Variants in TBC1D19 observed in about 807,000 individuals in gnomAD.
The protein encoded by TBC1D19 is TBC1 domain family, member 19.
TBC1D19 carries 60 observed loss-of-function variants against 89.0 expected under a neutral mutation model. That is an observed-to-expected ratio of 0.67 (90% CI 0.55 to 0.84). The LOEUF (loss-of-function observed/expected upper bound fraction) is 0.84, where lower values mean the gene tolerates loss of function less well. Among genes scored for constraint, TBC1D19 ranks in the 40% least tolerant of loss-of-function variants. The probability of loss-of-function intolerance (pLI) is 0.00; values close to 1 mark genes in which losing one functional copy is unlikely to be tolerated. For missense variants in TBC1D19, 500 were observed against 610.8 expected (o/e 0.82, Z 1.91); for synonymous variants, 189 against 199.7 (o/e 0.95, Z 0.45).
At chr4:26,672,276 T>A in intron 10 of TBC1D19, 89 bp downstream of exon 10, 1 of 1,093,818 alleles carries the variant, frequency 9.1e-7, no homozygotes, top group South Asian at 1.5e-5. Context: ...AGGTGAAATT[T>A]AATCTCTGAA....
chr4:26,809,244 C>T, the TBC1D19 span, among the ~76,000 whole-genome samples: 1 of 152,152 alleles, frequency 6.6e-6, no homozygotes, highest in Admixed American at 6.5e-5. Flanking sequence ...TCTCTCCCTG[C>T]TCTGTGCCCT....
the TBC1D19 span, among the ~76,000 whole-genome samples, chr4:26,819,632 T>G: frequency 2.6e-5 from 4 of 152,228 alleles, no homozygotes; most frequent in African/African-American, 9.6e-5. Context: ...CTCAACATTG[T>G]GACCACAGTA....
chr4:26,824,551 G>C, the TBC1D19 span, among the ~76,000 whole-genome samples: 1 of 152,200 alleles, frequency 6.6e-6, no homozygotes, highest in African/African-American at 2.4e-5. Flanking sequence ...CAGCTTCTGA[G>C]TGTATGTCCT....
intron 9 of TBC1D19, among the ~76,000 whole-genome samples, chr4:26,670,291 A>G (rs1010420799): frequency 1.3e-5 from 2 of 151,224 alleles, no homozygotes; most frequent in African/African-American, 4.8e-5. Flanking sequence ...TAGTCATTGT[A>G]TAATCTGTTC....
At chr4:26,584,890 C>T (rs1484339395) in intron 1 of TBC1D19, 1 of 182,756 alleles carries the variant, frequency 5.5e-6, no homozygotes, top group East Asian at 1.7e-4. Flanking sequence ...TAAATGAAAT[C>T]ATACAGTTTG....
chr4:26,703,960 C>CA (rs11453747), intron 13 of TBC1D19, among the ~76,000 whole-genome samples: 13,732 of 114,218 alleles, frequency 0.12, 2,932 homozygotes, highest in African/African-American at 0.43. Flanking sequence ...GACTCCGTCT[C>CA]AAAAAAAAAA....
At chr4:26,597,744 T>G (rs1740324106) in intron 1 of TBC1D19, among the ~76,000 whole-genome samples, 1 of 152,140 alleles carries the variant, frequency 6.6e-6, no homozygotes, top group South Asian at 2.1e-4. Flanking sequence ...GTTTTATAAC[T>G]CACATCTATA....
the TBC1D19 span, among the ~76,000 whole-genome samples, chr4:26,830,129 T>G: frequency 5.3e-5 from 8 of 152,218 alleles, no homozygotes; most frequent in Non-Finnish European, 1.0e-4. Flanking sequence ...AGAGCCATAC[T>G]CAACCTCACA....
At chr4:26,780,420 GA>G in the TBC1D19 span, among the ~76,000 whole-genome samples, 11 of 152,162 alleles carry the variant, frequency 7.2e-5, no homozygotes, top group Non-Finnish European at 1.6e-4. Context: ...ACCATTTAGG[GA>G]AAGCTACTCT....
At chr4:26,664,873 G>A (rs7687087) in intron 8 of TBC1D19, among the ~76,000 whole-genome samples, 69,185 of 151,822 alleles carry the variant, frequency 0.46, 17,521 homozygotes, top group Admixed American at 0.6. Context: ...AGTGTGAGCT[G>A]AGTTACAAAC....
chr4:26,692,204 C>A (rs1714351434), intron 13 of TBC1D19, among the ~76,000 whole-genome samples: 1 of 152,110 alleles, frequency 6.6e-6, no homozygotes, highest in Admixed American at 6.6e-5. Context: ...TACAATATCT[C>A]CACAGGAGGG....
chr4:26,857,435 A>G, the TBC1D19 span, among the ~76,000 whole-genome samples: 2 of 152,240 alleles, frequency 1.3e-5, no homozygotes, highest in Non-Finnish European at 1.5e-5. Flanking sequence ...GAAGGAGAAG[A>G]TCAGTGGGAG....
chr4:26,771,516 A>G, the TBC1D19 span, among the ~76,000 whole-genome samples: 1 of 152,230 alleles, frequency 6.6e-6, no homozygotes, highest in African/African-American at 2.4e-5. Flanking sequence ...CCTGCCATCT[A>G]TGACATGAGA....
In TBC1D19 at chr4:26,673,825, A is replaced by C; in HGVS notation, c.753A>C (p.Gly251=). 2 of 1,611,506 alleles carry C rather than the reference A, an allele frequency of 1.2e-6. No homozygotes were observed. Among genetic ancestry groups the C allele is most frequent in the Non-Finnish European group, 1.7e-6 (2 of 1,178,308 alleles). ...SAAAQQYIRQ[G]SPTALRAELW... is the part of the protein sequence containing the mutation. ...CTGCTCAACAGTACATCAGACAAGG[A>C]AGTCCCACGGCACTGAGAGCTGAAT... is the stretch of plus-strand genomic sequence containing the variant. Residue 251 remains glycine (G), a synonymous_variant, in exon 11 of 21, where the codon GGA becomes GGC. Coordinates refer to ENST00000264866, the MANE Select transcript of TBC1D19 (RefSeq NM_018317.4).
At chr4:26,776,578 G>A in the TBC1D19 span, among the ~76,000 whole-genome samples, 10 of 152,108 alleles carry the variant, frequency 6.6e-5, no homozygotes, top group Non-Finnish European at 1.0e-4. Context: ...CTGTACTTGT[G>A]TCAATGTCAT....
chr4:26,577,958 A>T (rs1209620099), intron 1 of TBC1D19, among the ~76,000 whole-genome samples: 2 of 152,232 alleles, frequency 1.3e-5, no homozygotes, highest in Admixed American at 1.3e-4. Flanking sequence ...TTGAGCTAAG[A>T]ACTATTGTCT....
At chr4:26,654,891 A>C (rs1214559460) in intron 7 of TBC1D19, among the ~76,000 whole-genome samples, 1 of 152,096 alleles carries the variant, frequency 6.6e-6, no homozygotes, top group Admixed American at 6.5e-5. Context: ...TTCATTCTCC[A>C]TCCAGCTTTT....
At chr4:26,636,826 A>G (rs1743161898) in intron 4 of TBC1D19, among the ~76,000 whole-genome samples, 1 of 152,134 alleles carries the variant, frequency 6.6e-6, no homozygotes, top group Admixed American at 6.5e-5. Flanking sequence ...ACCTTTTACT[A>G]GATCATTAAT....
chr4:26,850,739 T>C, the TBC1D19 span, among the ~76,000 whole-genome samples: 6 of 152,200 alleles, frequency 3.9e-5, no homozygotes, highest in East Asian at 9.7e-4. Flanking sequence ...GCTGCAGAAC[T>C]GTGAGACAAA....
Sources: allele counts gnomAD v4.1 joint callset (sites outside exome capture counted in the v4.1 genomes callset), GRCh38; gene constraint gnomAD v4.1.1; transcripts MANE v1.5; gene names NCBI Gene and HGNC (gene_info 2026-07-23, HGNC 2026-07-21).